The following CNGB3 variants were observed in gnomAD, a reference collection of about 807,000 sequenced individuals.
CNGB3 encodes cyclic nucleotide gated channel subunit beta 3, also known as cyclic nucleotide-gated channel beta-3.
A neutral mutation model predicts 92.8 loss-of-function variants in CNGB3; 86 were observed. That is an observed-to-expected ratio of 0.93 (90% CI 0.78 to 1.11). The LOEUF is 1.11. Among genes scored for constraint, CNGB3 ranks in the 50% least tolerant of loss-of-function variants. The pLI, the probability that CNGB3 is intolerant of heterozygous loss-of-function variation, is 0.00. For missense variants in CNGB3, 1,026 were observed against 956.8 expected, an observed-to-expected ratio of 1.07 and a Z score of -0.95; for synonymous variants, 333 against 332.7, an observed-to-expected ratio of 1.00 and a Z score of -0.01.
In CNGB3 at chr8:86,603,973, G is replaced by C; in HGVS notation, c.1781+120C>G. The C allele has an allele frequency of 4.2e-6, 3 of 715,086 alleles. No individual in the cohort carries two copies. In the Admixed American group the frequency reaches 6.7e-5, roughly 16 times the overall value. The allele number at this position is 715,086 out of a possible 1,614,324, so 44.3% of individuals were successfully genotyped here. A position where few individuals can be genotyped will look rare whatever the true frequency, so the allele number is the denominator to read the frequency against. On this transcript the variant is annotated intron_variant, in intron 15 of 17. Transcript: ENST00000320005. The stretch of plus-strand genomic sequence containing the variant: ...AAAAATATGAAAATCCTTATTTTAC[G>C]AATGCTCTCAGCACAATCAAACCTT...
At chr8:86,660,604 C>T in intron 6 of CNGB3, 1 of 534,154 alleles carries the variant, frequency 1.9e-6, no homozygotes, top group Admixed American at 1.9e-5. Flanking sequence ...TAGCTCCAAA[C>T]TGCACTCTGG....
intron 3 of CNGB3, among the ~76,000 whole-genome samples, chr8:86,703,450 G>A (rs773408305): frequency 6.6e-6 from 1 of 152,008 alleles, no homozygotes; most frequent in Non-Finnish European, 1.5e-5. Flanking sequence ...TCTCATTTCC[G>A]TCTACCCCTT....
At chr8:86,591,989 G>C (rs11987077) in intron 15 of CNGB3, among the ~76,000 whole-genome samples, 2 of 151,804 alleles carry the variant, frequency 1.3e-5, no homozygotes, top group Admixed American at 1.3e-4. Flanking sequence ...AGCAATCAGC[G>C]AGACTCCGTG....
intron 13 of CNGB3, among the ~76,000 whole-genome samples, chr8:86,619,098 A>G (rs1822674188): frequency 6.6e-6 from 1 of 152,206 alleles, no homozygotes; most frequent in African/African-American, 2.4e-5. Flanking sequence ...TGTAGTACCT[A>G]CATTTCAATT....
rs1821656687 is a variant in CNGB3 at position 86,576,085 on chromosome 8, C to A, written c.2149G>T (p.Glu717Ter). 1.2e-6 allele frequency: 2 copies of A among 1,602,982 alleles called. No homozygotes were observed. The highest frequency in any genetic ancestry group is 1.7e-6 in the Non-Finnish European group (2 of 1,175,272). The change falls in exon 18 of 18, where the codon GAA (glutamate) becomes TAA (stop). Residue 717 changes from glutamate (E) to a stop codon, truncating the protein, a stop_gained. Coordinates refer to ENST00000320005, the MANE Select transcript of CNGB3 (RefSeq NM_019098.5). LOFTEE classifies it low-confidence loss of function (END_TRUNC). ...EGGEEEGKEN[E>*]DKQKENEDKQ... ...TCTTCATTTTCTTTTTGTTTATCTT[C>A]ATTTTCTTTTCCTTCTTCCTCTCCT...
At position 86,733,235 on chromosome 8, in the gene CNGB3, CCT is replaced by C. The variant is rs1825189951; in HGVS notation, c.211+6418_211+6419del. On this transcript the variant is annotated intron_variant, in intron 2 of 17. Transcript: ENST00000320005. The stretch of plus-strand genomic sequence containing the variant: ...TGGGTCAATTTGTTTAAGATAATGG[CCT>C]CCATCTTCATCCATGTTGCTGCAAA... 7.2e-5 allele frequency among the ~76,000 whole-genome samples: 11 copies of C among 152,204 alleles called. 1 individual carries two copies. In the South Asian group the frequency reaches 2.3e-3, roughly 32 times the overall value.
chr8:86,630,244 G>T lies in CNGB3; in HGVS notation c.1321-1166C>A, dbSNP rs953164947. ...ATCTCACTTTTCCATGCTGTTCTTG[G>T]CTGATAACTTACATTACCTAGTCAC... On this transcript the variant is annotated intron_variant, in intron 11 of 17. Coordinates refer to ENST00000320005, the MANE Select transcript of CNGB3 (RefSeq NM_019098.5). 8.5e-5 allele frequency among the ~76,000 whole-genome samples: 13 copies of T among 152,126 alleles called. 1 individual carries two copies. Among genetic ancestry groups the T allele is most frequent in the Admixed American group, 5.9e-4 (9 of 15,280 alleles).
At chr8:86,637,346 G>C (rs527491808) in intron 10 of CNGB3, among the ~76,000 whole-genome samples, 6 of 152,218 alleles carry the variant, frequency 3.9e-5, no homozygotes, top group African/African-American at 1.4e-4. Context: ...GTTTCATACT[G>C]TTTTGATTAT....
At chr8:86,581,913 G>A (rs577064782) in intron 15 of CNGB3, among the ~76,000 whole-genome samples, 12 of 152,164 alleles carry the variant, frequency 7.9e-5, no homozygotes, top group Admixed American at 1.3e-4. Context: ...AACACAGCCC[G>A]AGTCCTAGCC....
At chr8:86,669,912 G>T (rs982905237) in intron 4 of CNGB3, among the ~76,000 whole-genome samples, 12 of 151,420 alleles carry the variant, frequency 7.9e-5, no homozygotes, top group African/African-American at 2.7e-4. Flanking sequence ...GTGCAGTGGC[G>T]CAATCTTGGC....
intron 3 of CNGB3, among the ~76,000 whole-genome samples, chr8:86,686,324 T>C (rs534986885): frequency 1.8e-4 from 26 of 147,454 alleles, no homozygotes; most frequent in African/African-American, 6.5e-4. Context: ...AGCTCACCGT[T>C]CGATCTATTT....
chr8:86,699,819 A>G (rs1824518680), intron 3 of CNGB3, among the ~76,000 whole-genome samples: 1 of 152,168 alleles, frequency 6.6e-6, no homozygotes, highest in Admixed American at 6.6e-5. Context: ...CAGGTGGTGA[A>G]TTCTTTAATC....
At chr8:86,656,970 A>G (rs1168691726) in intron 6 of CNGB3, among the ~76,000 whole-genome samples, 2 of 152,112 alleles carry the variant, frequency 1.3e-5, no homozygotes. Flanking sequence ...CACAGATAGA[A>G]TATGTACACT....
chr8:86,726,455 G>A, intron 3 of CNGB3, 76 bp downstream of exon 3: 2 of 1,576,742 alleles, frequency 1.3e-6, no homozygotes, highest in Non-Finnish European at 1.7e-6. Context: ...CTAAAGGGGA[G>A]AGTGGATATT....
At chr8:86,660,198 C>CTT (rs1246838021) in intron 6 of CNGB3, 1 of 299,990 alleles carries the variant, frequency 3.3e-6, no homozygotes, top group African/African-American at 2.2e-5. Context: ...CTTTTTTGCT[C>CTT]TTGTACCTAC....
chr8:86,730,829 A>G (rs1825143829), intron 2 of CNGB3, among the ~76,000 whole-genome samples: 2 of 152,180 alleles, frequency 1.3e-5, no homozygotes, highest in Admixed American at 1.3e-4. Context: ...AACAACATGG[A>G]GGAAGTTGAC....
chr8:86,672,989 T>G (rs1823890306), intron 3 of CNGB3, among the ~76,000 whole-genome samples: 1 of 152,200 alleles, frequency 6.6e-6, no homozygotes, highest in African/African-American at 2.4e-5. Context: ...CCAGAATAAC[T>G]TTTTTCCTGA....
intron 2 of CNGB3, among the ~76,000 whole-genome samples, chr8:86,728,680 T>A (rs1304631023): frequency 6.6e-6 from 1 of 152,188 alleles, no homozygotes; most frequent in East Asian, 1.9e-4. Flanking sequence ...ATGTTGTATA[T>A]ACCTTTTATT....
At position 86,577,185 on chromosome 8, in the gene CNGB3, A is replaced by G. The variant is rs532863436; in HGVS notation, c.2104-1055T>C. ...TTTGAGTTTCTTTACATTTTTAGGA[A>G]TTGAAAGGCAGCTTAGTGTAGGCCT... On this transcript the variant is annotated intron_variant, in intron 17 of 17. Transcript: ENST00000320005. Among the ~76,000 whole-genome samples the G allele has an allele frequency of 6.9e-4, 105 of 152,332 alleles. 1 individual carries two copies. The highest frequency in any genetic ancestry group is 2.5e-3 in the African/African-American group (104 of 41,596).
Sources: gnomAD v4.1 joint callset for allele counts (sites outside exome capture counted in the v4.1 genomes callset) on GRCh38, gnomAD v4.1.1 for gene constraint, MANE v1.5 for transcripts, NCBI Gene and HGNC (gene_info 2026-07-23, HGNC 2026-07-21) for gene names.